The following CAPS2 variants were observed in gnomAD, a reference collection of about 807,000 sequenced individuals.
CAPS2 encodes calcyphosin-2.
In CAPS2, 98 loss-of-function variants were observed where a neutral mutation model predicts 86.5. The ratio of observed to expected loss-of-function variants is 1.13; its 90% CI spans 0.96 to 1.34. The LOEUF is 1.34. CAPS2 is among the 40% of genes most tolerant of loss of function. The pLI is 0.00. For missense variants in CAPS2, 729 were observed against 686.8 expected (o/e 1.06, Z -0.69); for synonymous variants, 210 against 225.1 (o/e 0.93, Z 0.60).
intron 1 of CAPS2, among the ~76,000 whole-genome samples, chr12:75,345,921 C>A (rs1480197181): frequency 6.6e-6 from 1 of 152,154 alleles, no homozygotes; most frequent in African/African-American, 2.4e-5. Flanking sequence ...CTAGTTTACA[C>A]ACAAGGTTAA....
intron 1 of CAPS2, among the ~76,000 whole-genome samples, chr12:75,345,497 A>G (rs1414961966): frequency 1.3e-5 from 2 of 152,150 alleles, no homozygotes; most frequent in African/African-American, 2.4e-5. Context: ...ACCCATTTGT[A>G]TAAGTTGAAT....
chr12:75,382,272 A>C (rs912269917), intron 1 of CAPS2, among the ~76,000 whole-genome samples: 9 of 152,260 alleles, frequency 5.9e-5, no homozygotes, highest in African/African-American at 2.2e-4. Context: ...ATGTAGATTA[A>C]AAATACATTT....
intron 14 of CAPS2, among the ~76,000 whole-genome samples, chr12:75,286,270 A>G (rs527695921): frequency 6.6e-6 from 1 of 152,090 alleles, no homozygotes; most frequent in East Asian, 1.9e-4. Context: ...AACCCCATAC[A>G]TCTTTGTCTA....
chr12:75,304,970 C>A, intron 7 of CAPS2, 94 bp from the exon 8 acceptor site: 1 of 1,013,010 alleles, frequency 9.9e-7, no homozygotes, highest in Non-Finnish European at 1.4e-6. Flanking sequence ...GCTCATATAC[C>A]AAATGCAAAT....
chr12:75,362,883 A>G (rs1369168755), intron 1 of CAPS2, among the ~76,000 whole-genome samples: 5 of 152,190 alleles, frequency 3.3e-5, no homozygotes, highest in Non-Finnish European at 5.9e-5. Context: ...ATTCTTCTAT[A>G]GAATATTCAA....
chr12:75,291,979 T>C (rs531300038), intron 12 of CAPS2, among the ~76,000 whole-genome samples, 159 bp from the exon 13 acceptor site: 20 of 152,114 alleles, frequency 1.3e-4, no homozygotes, highest in Non-Finnish European at 2.4e-4. Context: ...GCCTGCTGCT[T>C]TGATGCCTAA....
At chr12:75,282,314 T>G in exon 16 of CAPS2, 2 of 1,607,350 alleles carry the variant, frequency 1.2e-6, no homozygotes, top group Non-Finnish European at 1.7e-6. Context: ...ATAGGCACAC[T>G]GCCACTTTTG....
intron 2 of CAPS2, among the ~76,000 whole-genome samples, chr12:75,323,881 C>T (rs1164144317): frequency 6.6e-6 from 1 of 152,160 alleles, no homozygotes; most frequent in South Asian, 2.1e-4. Flanking sequence ...TAATAGTGTG[C>T]ATCTCTTTCC....
chr12:75,353,270 G>A (rs2042931930), intron 1 of CAPS2, among the ~76,000 whole-genome samples: 1 of 151,996 alleles, frequency 6.6e-6, no homozygotes, highest in Admixed American at 6.6e-5. Context: ...TAATAAAGAA[G>A]AGAGAAGAAT....
chr12:75,356,311 A>T (rs988333090), intron 1 of CAPS2, among the ~76,000 whole-genome samples: 11 of 152,196 alleles, frequency 7.2e-5, no homozygotes, highest in African/African-American at 2.4e-4. Flanking sequence ...ATGTTTATAG[A>T]TGACTGGAGA....
At chr12:75,361,981 T>C (rs2043626692) in intron 1 of CAPS2, among the ~76,000 whole-genome samples, 2 of 152,118 alleles carry the variant, frequency 1.3e-5, no homozygotes, top group Admixed American at 1.3e-4. Context: ...TAGCCAAAGA[T>C]TTTTAAACTA....
At chr12:75,375,431 C>T (rs2044600724) in intron 1 of CAPS2, among the ~76,000 whole-genome samples, 1 of 152,094 alleles carries the variant, frequency 6.6e-6, no homozygotes, top group Non-Finnish European at 1.5e-5. Context: ...TGCATAGTTA[C>T]CCTGGTAAAA....
intron 7 of CAPS2, chr12:75,306,358 A>T: frequency 2.1e-6 from 1 of 470,120 alleles, no homozygotes; most frequent in Non-Finnish European, 3.9e-6. Flanking sequence ...GTCTCTGAGG[A>T]CTAGCAAGGT....
intron 1 of CAPS2, among the ~76,000 whole-genome samples, chr12:75,353,169 A>T (rs1208216392): frequency 6.6e-6 from 1 of 152,044 alleles, no homozygotes; most frequent in Non-Finnish European, 1.5e-5. Flanking sequence ...AGGTGATACA[A>T]ACAAGAAAAA....
chr12:75,341,857 C>T (rs1373082233), intron 1 of CAPS2, among the ~76,000 whole-genome samples: 1 of 143,534 alleles, frequency 7.0e-6, no homozygotes, highest in Non-Finnish European at 1.5e-5. Context: ...TCAAGCAATT[C>T]TCCTCCTCAT....
At chr12:75,350,428 C>T (rs987256887) in intron 1 of CAPS2, among the ~76,000 whole-genome samples, 10 of 152,184 alleles carry the variant, frequency 6.6e-5, no homozygotes, top group African/African-American at 2.2e-4. Flanking sequence ...CCAGGCACTG[C>T]ATACAGGAGC....
chr12:75,383,425 T>C (rs2045111301), intron 1 of CAPS2, among the ~76,000 whole-genome samples: 1 of 152,136 alleles, frequency 6.6e-6, no homozygotes, highest in Admixed American at 6.5e-5. Context: ...ACAAGGAAAG[T>C]TATCAGGATT....
intron 7 of CAPS2, among the ~76,000 whole-genome samples, chr12:75,308,355 A>G (rs1461278251): frequency 6.6e-6 from 1 of 152,240 alleles, no homozygotes; most frequent in African/African-American, 2.4e-5. Context: ...ATTTACATGT[A>G]CACCAAGTAA....
In CAPS2 at chr12:75,288,495, T is replaced by C. The variant is rs946489836; in HGVS notation, c.1395+1126A>G. Among the ~76,000 whole-genome samples the C allele has an allele frequency of 2.0e-5, 3 of 152,330 alleles. No homozygotes were observed. The East Asian group carries it at 5.8e-4, about 29-fold the overall frequency. Reference sequence around the variant, plus strand: ...AGCAAAGCTGGAACTTGAACCTAAATGTCCTAAGTTCAATTTACAGTGTTC... The same window carrying C: ...AGCAAAGCTGGAACTTGAACCTAAACGTCCTAAGTTCAATTTACAGTGTTC... On this transcript the variant is annotated intron_variant, in intron 14 of 16. Coordinates refer to ENST00000393284, the Ensembl canonical transcript of CAPS2.
Sources: gnomAD v4.1 joint callset for allele counts (sites outside exome capture counted in the v4.1 genomes callset) on GRCh38, gnomAD v4.1.1 for gene constraint, MANE v1.5 for transcripts, NCBI Gene and HGNC (gene_info 2026-07-23, HGNC 2026-07-21) for gene names.